Variants in DNHD1 observed in about 807,000 individuals in gnomAD.
The protein encoded by DNHD1 is dynein heavy chain domain-containing protein 1.
Under a neutral mutation model 458.1 loss-of-function variants are expected in DNHD1, and 383 were observed. That is an observed-to-expected ratio of 0.84 (90% CI 0.77 to 0.91). The LOEUF (loss-of-function observed/expected upper bound fraction) is 0.91. Among genes scored for constraint, DNHD1 ranks in the 40% least tolerant of loss-of-function variants. The pLI is 0.00. For missense variants in DNHD1, 5,336 were observed against 5,866.1 expected (o/e 0.91, Z 2.95); for synonymous variants, 2,203 against 2,376.9 (o/e 0.93, Z 2.13).
chr11:6,533,567 G>A, intron 13 of DNHD1, 114 bp from the exon 14 acceptor site: 1 of 1,312,762 alleles, frequency 7.6e-7, no homozygotes, highest in African/African-American at 1.5e-5. Context: ...TGATTACAAG[G>A]CTGCAACTGG....
intron 24 of DNHD1, among the ~76,000 whole-genome samples, chr11:6,550,653 CAGAT>C (rs1411996214): frequency 1.3e-5 from 2 of 152,220 alleles, no homozygotes; most frequent in East Asian, 1.9e-4. Flanking sequence ...TATAAAAACA[CAGAT>C]AGATTAAAAG....
At chr11:6,531,124 T>C (rs1386537851) in intron 12 of DNHD1, among the ~76,000 whole-genome samples, 2 of 152,202 alleles carry the variant, frequency 1.3e-5, no homozygotes, top group African/African-American at 4.8e-5. Context: ...TAATATTTTT[T>C]TCATTTCACC....
Position 6,571,302 on chromosome 11 carries a change from G to C in DNHD1, c.13790G>C (p.Arg4597Pro). The C allele has an allele frequency of 6.2e-7, 1 of 1,612,290 alleles. No individual in the cohort carries two copies. Among genetic ancestry groups the C allele is most frequent in the South Asian group, 1.1e-5 (1 of 90,856 alleles). The change falls in exon 42 of 43, where the codon CGT (arginine) becomes CCT (proline). Residue 4597 changes from arginine to proline, a missense_variant. Physicochemically the swap from Arg to Pro is moderately radical, Grantham distance 103. Around this residue, in one of 4 missense-constraint regions of DNHD1, gnomAD observed 698 missense variants for 664.9 expected, o/e 1.05. Transcript: ENST00000254579. The surrounding 1 kb of genome is among the most constrained non-coding windows in gnomAD (Gnocchi z 5.0). Reference protein sequence around the residue: ...RHPRRLLLALRGEAALDQNVP... With the variant: ...RHPRRLLLALPGEAALDQNVP... ...CCGCGCCGCCTGCTGCTGGCATTGC[G>C]TGGGGAAGCTGCCCTGGACCAGAAT... is the stretch of plus-strand genomic sequence containing the variant.
chr11:6,567,042 G>A lies in DNHD1; in HGVS notation c.11533G>A (p.Val3845Ile). 1 of 1,614,048 alleles carries A rather than the reference G, an allele frequency of 6.2e-7. No homozygotes were observed. Among genetic ancestry groups the A allele is most frequent in the Non-Finnish European group, 8.5e-7 (1 of 1,179,898 alleles). The change falls in exon 36 of 43, where the codon GTA becomes ATA. Residue 3845 changes from valine (V) to isoleucine (I), a missense_variant. Transcript: ENST00000254579. ...ELEGQKLQEM[V>I]LWAPYRPVVW... ...AGAAGGGCAGAAACTACAGGAGATG[G>A]TATTGTGGGCACCCTATCGACCTGT...
chr11:6,538,472 G>A lies in DNHD1; in HGVS notation c.3088G>A (p.Glu1030Lys), dbSNP rs770465855. The A allele has an allele frequency of 1.1e-5, 17 of 1,551,660 alleles. No homozygotes were observed. The highest frequency in any genetic ancestry group is 5.9e-5 in the South Asian group (5 of 84,072). ...RIWHLYRVIS[E>K]NISEWKCMAF... is the part of the protein sequence containing the mutation. ...ATGGCACCTGTACCGAGTCATCTCC[G>A]AAAACATCAGCGAGTGGAAGTGCAT... Residue 1030 changes from glutamate to lysine, a missense_variant, in exon 15 of 43, where the codon GAA (glutamate) becomes AAA (lysine). Physicochemically the swap from Glu to Lys is moderately conservative, Grantham distance 56. This residue lies in a region of DNHD1 where 3,932 missense variants were observed against 4,365.6 expected (regional missense o/e 0.90). Coordinates refer to ENST00000254579, the MANE Select transcript of DNHD1 (RefSeq NM_144666.3).
At chr11:6,513,980 A>G (rs571790032) in intron 7 of DNHD1, among the ~76,000 whole-genome samples, 1 of 152,168 alleles carries the variant, frequency 6.6e-6, no homozygotes, top group East Asian at 1.9e-4. Flanking sequence ...AGTAGCTGGG[A>G]CTACAGGCAC....
In DNHD1 at chr11:6,511,437, G is replaced by A. The variant is rs779651051; in HGVS notation, c.1392+8G>A. ...ACATCCATTCTTCGACTGGTAAGAG[G>A]CTCTTAGTTTATTGTGGACCTCTTC... On this transcript the variant is annotated splice_region_variant and intron_variant, in intron 7 of 42. Transcript: ENST00000254579. 6.2e-7 allele frequency: 1 copy of A among 1,613,442 alleles called. No homozygotes were observed. Among genetic ancestry groups the A allele is most frequent in the Non-Finnish European group, 8.5e-7 (1 of 1,179,576 alleles).
At position 6,538,795 on chromosome 11, in the gene DNHD1, C is replaced by T. The variant is rs567990186; in HGVS notation, c.3310C>T (p.Gln1104Ter). Residue 1104 changes from glutamine (Q) to a stop codon, truncating the protein, a stop_gained, in exon 16 of 43, where the codon CAG becomes TAG. Transcript: ENST00000254579. LOFTEE classifies it high-confidence loss of function. ...GSLHPQSLNC[Q>*]CLLRALGLGS... ...CCTCCACCCACAGAGCCTCAACTGC[C>T]AGTGTCTCCTGCGTGGTATGTTTGG... 45 of 1,522,290 alleles carry T rather than the reference C, an allele frequency of 3.0e-5. No individual in the cohort carries two copies. The highest frequency in any genetic ancestry group is 1.6e-4 in the Admixed American group (8 of 49,216). The allele number at this position is 1,522,290 out of a possible 1,614,324, so 94.3% of individuals were successfully genotyped here.
chr11:6,539,950 C>G lies in DNHD1; in HGVS notation c.3495C>G (p.Arg1165=). The change falls in exon 18 of 43, where the codon CGC becomes CGG. Residue 1165 remains arginine (R), a synonymous_variant. Transcript: ENST00000254579. ...IRRLQRYWEA[R]QLRLLNFILH... is the part of the protein sequence containing the mutation. The stretch of plus-strand genomic sequence containing the variant: ...GGTTGCAGCGGTACTGGGAAGCGCG[C>G]CAGCTGCGCCTGCTCAACTTCATCC... 1.9e-6 allele frequency: 3 copies of G among 1,551,758 alleles called. No individual in the cohort carries two copies. Among genetic ancestry groups the G allele is most frequent in the Non-Finnish European group, 2.6e-6 (3 of 1,146,994 alleles).
chr11:6,520,507 G>A, intron 10 of DNHD1: 2 of 1,407,130 alleles, frequency 1.4e-6, no homozygotes. Context: ...GTATGTGCGT[G>A]CAATGAGAGG....
chr11:6,512,211 C>CTTTTTTTTTTTTTTTTTTTTTTTT (rs11287049), intron 7 of DNHD1, among the ~76,000 whole-genome samples: 1 of 91,630 alleles, frequency 1.1e-5, no homozygotes, highest in African/African-American at 4.7e-5. Context: ...CTTTTTCTTT[C>CTTTTTTTTTTTTTTTTTTTTTTTT]TTTTTTTTTT....
Position 6,570,791 on chromosome 11 carries a change from G to A in DNHD1, c.13279G>A (p.Glu4427Lys). ...GCGGAGTTCACCCGTGTGGGTTCCT[G>A]AGTCTCGAAGAGGCGCCCAGCTTGC... ...LQRSSPVWVP[E>K]SRRGAQLAER... The change falls in exon 42 of 43, where the codon GAG (glutamate) becomes AAG (lysine). Residue 4427 changes from glutamate (E) to lysine (K), a missense_variant. By Grantham distance (56) the Glu-to-Lys change is moderately conservative. This residue lies in a region of DNHD1 where 698 missense variants were observed against 664.9 expected (regional missense o/e 1.05). Transcript: ENST00000254579. 1 of 1,613,608 alleles carries A rather than the reference G, an allele frequency of 6.2e-7. No individual in the cohort carries two copies. Among genetic ancestry groups the A allele is most frequent in the Non-Finnish European group, 8.5e-7 (1 of 1,179,698 alleles).
rs1380427001 is a variant in DNHD1 at position 6,546,919 on chromosome 11, G to A, written c.5980G>A (p.Ala1994Thr). 7.7e-6 allele frequency: 12 copies of A among 1,551,484 alleles called. No individual in the cohort carries two copies. Among genetic ancestry groups the A allele is most frequent in the Non-Finnish European group, 1.0e-5 (12 of 1,146,934 alleles). Residue 1994 changes from alanine to threonine, a missense_variant, in exon 21 of 43, where the codon GCG (alanine) becomes ACG (threonine). Around this residue, in one of 4 missense-constraint regions of DNHD1, gnomAD observed 3,932 missense variants for 4,365.6 expected, o/e 0.90. Coordinates refer to ENST00000254579, the MANE Select transcript of DNHD1 (RefSeq NM_144666.3). Reference sequence around the variant, plus strand: ...CTCAGGCATTCTGCTCCTGGGCCCTGCGGGCAGCGGCAAGACCACTTGTTG... The same window carrying A: ...CTCAGGCATTCTGCTCCTGGGCCCTACGGGCAGCGGCAAGACCACTTGTTG... ...RASGILLLGP[A>T]GSGKTTCWHS...
Position 6,520,275 on chromosome 11 carries a change from C to A in DNHD1, c.1823C>A (p.Ser608Tyr), listed in dbSNP as rs1374043727. The A allele has an allele frequency of 2.6e-6, 4 of 1,551,896 alleles. No individual in the cohort carries two copies. The African/African-American group carries it at 5.5e-5, about 21-fold the overall frequency. ...QSADLKTSSD[S>Y]LYSEEEDEEE... is the part of the protein sequence containing the mutation. Reference sequence around the variant, plus strand: ...GCAGACCTGAAGACCTCCTCGGATTCCCTGTATTCTGAAGGTATTTAGGGA... The same window carrying A: ...GCAGACCTGAAGACCTCCTCGGATTACCTGTATTCTGAAGGTATTTAGGGA... The change falls in exon 10 of 43, where the codon TCC (serine) becomes TAC (tyrosine). Residue 608 changes from serine to tyrosine, a missense_variant. Physicochemically the swap from Ser to Tyr is moderately radical, Grantham distance 144 (BLOSUM62 -2). Transcript: ENST00000254579.
chr11:6,551,742 A>T (rs181218254), intron 24 of DNHD1, among the ~76,000 whole-genome samples: 66 of 152,326 alleles, frequency 4.3e-4, no homozygotes, highest in Middle Eastern at 6.8e-3. Flanking sequence ...GGAGATGGAG[A>T]CCATCCTGGC....
intron 7 of DNHD1, among the ~76,000 whole-genome samples, chr11:6,515,138 C>T (rs1364839742): frequency 6.6e-6 from 1 of 152,216 alleles, no homozygotes; most frequent in African/African-American, 2.4e-5. Context: ...AAAACTGTTA[C>T]TATGGCAATT....
Position 6,498,173 on chromosome 11 carries a change from A to G in DNHD1, c.-43A>G, listed in dbSNP as rs1446746654. The G allele has an allele frequency of 6.3e-7, 1 of 1,575,818 alleles. No individual in the cohort carries two copies. The highest frequency in any genetic ancestry group is 1.3e-5 in the African/African-American group (1 of 74,482). On this transcript the variant is annotated 5_prime_UTR_variant, in exon 3 of 43. An upstream start codon of the reference 5' UTR is lost. Coordinates refer to ENST00000254579, the MANE Select transcript of DNHD1 (RefSeq NM_144666.3). Reference sequence around the variant, plus strand: ...GGAACTGGCAGTTGGAGCCTGAGCTATGGGCAAGGTCACTTCGACAGCAGT... The same window carrying G: ...GGAACTGGCAGTTGGAGCCTGAGCTGTGGGCAAGGTCACTTCGACAGCAGT...
intron 28 of DNHD1, 23 bp from the exon 29 acceptor site, chr11:6,562,958 CA>C (rs1227644776): frequency 6.5e-7 from 1 of 1,546,780 alleles, no homozygotes; most frequent in African/African-American, 1.4e-5. Flanking sequence ...TCTGGAGCTG[CA>C]GGGCCTGGAT....
Position 6,545,580 on chromosome 11 carries a change from GA to G in DNHD1, c.4643del (p.Asn1548IlefsTer32). The G allele has an allele frequency of 6.4e-7, 1 of 1,552,052 alleles. No homozygotes were observed. Among genetic ancestry groups the G allele is most frequent in the Non-Finnish European group, 8.7e-7 (1 of 1,147,068 alleles). ...ATATGCGCAAGCTTGAGGTACTGGT[GA>G]ATTTTATGCGGGCCCAGAGGGCTTC... Reference protein sequence around the residue: ...MHMRKLEVLVNFMRAQRASQG... With the variant: ...MHMRKLEVLVXFMRAQRASQG... On this transcript the variant is annotated frameshift_variant, in exon 21 of 43. Transcript: ENST00000254579. This position sits in a 1 kb window ranked among gnomAD's most constrained non-coding sequence, Gnocchi z 4.9.
Sources: allele counts gnomAD v4.1 joint callset (sites outside exome capture counted in the v4.1 genomes callset), GRCh38; gene constraint gnomAD v4.1.1; regional missense constraint gnomAD v4.1.1; non-coding constraint Gnocchi (gnomAD v3.1); transcripts MANE v1.5; gene names NCBI Gene and HGNC (gene_info 2026-07-23, HGNC 2026-07-21).